Variants in ASB1 observed in about 807,000 individuals in gnomAD.
ASB1 encodes the protein ankyrin repeat and SOCS box containing 1, also known as ankyrin repeat and SOCS box protein 1.
Under a neutral mutation model 27.7 loss-of-function variants are expected in ASB1, and 18 were observed. The ratio of observed to expected loss-of-function variants is 0.65; its 90% CI spans 0.45 to 0.96. The LOEUF is 0.96. ASB1 is among the 50% of genes least tolerant of loss of function. The pLI is 0.00. For missense variants in ASB1, 397 were observed against 451.7 expected, an observed-to-expected ratio of 0.88 and a Z score of 1.10; for synonymous variants, 189 against 187.6, an observed-to-expected ratio of 1.01 and a Z score of -0.06.
intron 3 of ASB1, among the ~76,000 whole-genome samples, chr2:238,441,190 A>G (rs561279985): frequency 1.3e-5 from 2 of 151,602 alleles, no homozygotes; most frequent in East Asian, 3.9e-4. Flanking sequence ...AGGCTAGAGA[A>G]GTGGCATGAT....
rs1702254381 is a variant in ASB1, at chr2:238,450,100, C to G, written c.*3589C>G. ...TCTCCATGTGTGTGTAAACTGCTGT[C>G]CTGGTGACTTGTCCCTCTTCTTAGT... On this transcript the variant is annotated 3_prime_UTR_variant, in exon 5 of 5. Coordinates refer to ENST00000264607, the MANE Select transcript of ASB1 (RefSeq NM_001040445.3). The G allele has an allele frequency of 6.6e-6, 1 of 152,280 alleles. No homozygotes were observed. The highest frequency in any genetic ancestry group is 1.5e-5 in the Non-Finnish European group (1 of 68,096). The allele number at this position is 152,280 out of a possible 1,614,324, so 9.4% of individuals were successfully genotyped here. A position where few individuals can be genotyped will look rare whatever the true frequency, so the allele number is the denominator to read the frequency against.
chr2:238,448,689 C>T lies in ASB1; in HGVS notation c.*2178C>T, dbSNP rs1051535030. 1.3e-5 allele frequency: 2 copies of T among 152,420 alleles called. No individual in the cohort carries two copies. The highest frequency in any genetic ancestry group is 2.4e-5 in the African/African-American group (1 of 41,468). 9.4% of individuals were successfully genotyped at this position (152,420 alleles called of 1,614,324 possible). A position where few individuals can be genotyped will look rare whatever the true frequency, so the allele number is the denominator to read the frequency against. ...TATTGAACCTTTTGGGAAGCAGCAC[C>T]TGGGAATGCTGCCTCGTGGGAGTCC... On this transcript the variant is annotated 3_prime_UTR_variant, in exon 5 of 5. Transcript: ENST00000264607.
At position 238,449,422 on chromosome 2, in the gene ASB1, T is replaced by C. The variant is rs1702240580; in HGVS notation, c.*2911T>C. Reference sequence around the variant, plus strand: ...GAAGGAGCCTGAAGGTTGCCCCTGGTTGCATCCCAGAAGCATCTGACTGTC... The same window carrying C: ...GAAGGAGCCTGAAGGTTGCCCCTGGCTGCATCCCAGAAGCATCTGACTGTC... On this transcript the variant is annotated 3_prime_UTR_variant, in exon 5 of 5. Coordinates refer to ENST00000264607, the MANE Select transcript of ASB1 (RefSeq NM_001040445.3). 1 of 152,656 alleles carries C rather than the reference T, an allele frequency of 6.6e-6. No individual in the cohort carries two copies. Among genetic ancestry groups the C allele is most frequent in the Non-Finnish European group, 1.5e-5 (1 of 68,474 alleles). 9.5% of individuals were successfully genotyped at this position (152,656 alleles called of 1,614,324 possible). A position where few individuals can be genotyped will look rare whatever the true frequency, so the allele number is the denominator to read the frequency against.
At chr2:238,444,218 A>G in intron 3 of ASB1, 124 bp from the exon 4 acceptor site, 2 of 1,039,046 alleles carry the variant, frequency 1.9e-6, no homozygotes, top group South Asian at 1.7e-5. Flanking sequence ...AGTCTCCTAC[A>G]GCGCCTGGTG....
chr2:238,446,242 C>A, intron 4 of ASB1, 142 bp from the exon 5 acceptor site: 1 of 929,282 alleles, frequency 1.1e-6, no homozygotes, highest in Non-Finnish European at 1.6e-6. Flanking sequence ...GAAAAGCCAT[C>A]ACTTTGTGTT....
intron 1 of ASB1, among the ~76,000 whole-genome samples, chr2:238,431,377 A>T (rs569924043): frequency 6.6e-6 from 1 of 152,342 alleles, no homozygotes; most frequent in Admixed American, 6.5e-5. Flanking sequence ...CTTGCTCTGG[A>T]TTAGGCTTTG....
In ASB1 at chr2:238,451,956, G is replaced by T. The variant is rs1702294672; in HGVS notation, c.*5445G>T. The stretch of plus-strand genomic sequence containing the variant: ...GGGGCTCCAGGGACGTACCCCAAAT[G>T]TTGCCCAGGTTGAAACTCCCTGACA... On this transcript the variant is annotated 3_prime_UTR_variant, in exon 5 of 5. Coordinates refer to ENST00000264607, the MANE Select transcript of ASB1 (RefSeq NM_001040445.3). The T allele has an allele frequency of 6.6e-6, 1 of 152,268 alleles. No homozygotes were observed. The highest frequency in any genetic ancestry group is 1.5e-5 in the Non-Finnish European group (1 of 68,048). 9.4% of individuals were successfully genotyped at this position (152,268 alleles called of 1,614,324 possible). A position where few individuals can be genotyped will look rare whatever the true frequency, so the allele number is the denominator to read the frequency against.
intron 4 of ASB1, among the ~76,000 whole-genome samples, chr2:238,445,171 G>A (rs1209294556): frequency 6.6e-6 from 1 of 151,730 alleles, no homozygotes; most frequent in Non-Finnish European, 1.5e-5. Flanking sequence ...TAGAGATGAG[G>A]TTTTGCTGTG....
chr2:238,439,721 A>T (rs761341073), intron 3 of ASB1, among the ~76,000 whole-genome samples: 13 of 152,170 alleles, frequency 8.5e-5, no homozygotes, highest in Non-Finnish European at 1.6e-4. Context: ...AGGAATCGCA[A>T]AGGGAGGTTG....
intron 3 of ASB1, 97 bp downstream of exon 3, chr2:238,436,110 G>T: frequency 8.1e-7 from 1 of 1,238,862 alleles, no homozygotes; most frequent in South Asian, 1.6e-5. Flanking sequence ...CTCTTTAGAT[G>T]ACTCGCCTGT....
In ASB1 at chr2:238,433,830, A is replaced by G. The variant is rs142518861; in HGVS notation, c.191+135A>G. ...TGTTCCAGTTTTAGAGGACGGGGAT[A>G]AAGGAGACTGAGGCAGCATGGTCAG... On this transcript the variant is annotated intron_variant, in intron 2 of 4. Coordinates refer to ENST00000264607, the MANE Select transcript of ASB1 (RefSeq NM_001040445.3). The G allele has an allele frequency of 4.2e-5, 45 of 1,059,526 alleles. No homozygotes were observed. In the African/African-American group the frequency reaches 5.5e-4, roughly 13 times the overall value. The allele number at this position is 1,059,526 out of a possible 1,614,324, so 65.6% of individuals were successfully genotyped here. A position where few individuals can be genotyped will look rare whatever the true frequency, so the allele number is the denominator to read the frequency against.
chr2:238,448,331 T>A lies in ASB1; in HGVS notation c.*1820T>A, dbSNP rs997310039. On this transcript the variant is annotated 3_prime_UTR_variant, in exon 5 of 5. Transcript: ENST00000264607. ...GGAGCTATAGGGAGTTAAGGAATGA[T>A]GATACGGAAGTTGGAGCCACCACCG... 1 of 152,430 alleles carries A rather than the reference T, an allele frequency of 6.6e-6. No homozygotes were observed. The highest frequency in any genetic ancestry group is 1.5e-5 in the Non-Finnish European group (1 of 68,262). 9.4% of individuals were successfully genotyped at this position (152,430 alleles called of 1,614,324 possible). A position where few individuals can be genotyped will look rare whatever the true frequency, so the allele number is the denominator to read the frequency against.
chr2:238,429,030 C>T (rs920418898), intron 1 of ASB1, among the ~76,000 whole-genome samples: 4 of 152,106 alleles, frequency 2.6e-5, no homozygotes, highest in African/African-American at 9.7e-5. Context: ...CTGTTCATGC[C>T]GGCTTGTTGA....
rs1701914420 is a variant in ASB1 at position 238,433,711 on chromosome 2, C to T, written c.191+16C>T. ...GCTACCGGAGGTGAGCGGCGCTGCC[C>T]AGGGCTGGTCCGGGTACTAGGGCCC... On this transcript the variant is annotated intron_variant, in intron 2 of 4. Coordinates refer to ENST00000264607, the MANE Select transcript of ASB1 (RefSeq NM_001040445.3). 2 of 1,613,178 alleles carry T rather than the reference C, an allele frequency of 1.2e-6. No homozygotes were observed. The highest frequency in any genetic ancestry group is 2.2e-5 in the East Asian group (1 of 44,872).
In ASB1 at chr2:238,446,731, A is replaced by T. The variant is rs2106411572; in HGVS notation, c.*220A>T. 1 of 542,000 alleles carries T rather than the reference A, an allele frequency of 1.8e-6. No homozygotes were observed. Among genetic ancestry groups the T allele is most frequent in the African/African-American group, 1.9e-5 (1 of 51,980 alleles). The allele number at this position is 542,000 out of a possible 1,614,324, so 33.6% of individuals were successfully genotyped here. A position where few individuals can be genotyped will look rare whatever the true frequency, so the allele number is the denominator to read the frequency against. ...TACTAAAGTTATTATTGTTTTTCCC[A>T]AGTTCTCTGTTCTGGATTTTCAGTT... On this transcript the variant is annotated 3_prime_UTR_variant, in exon 5 of 5. Coordinates refer to ENST00000264607, the MANE Select transcript of ASB1 (RefSeq NM_001040445.3).
chr2:238,445,388 G>A (rs1246870137), intron 4 of ASB1, among the ~76,000 whole-genome samples: 2 of 152,192 alleles, frequency 1.3e-5, no homozygotes, highest in African/African-American at 2.4e-5. Context: ...CAAATTGCAA[G>A]CGGGGCTTTC....
At chr2:238,429,304 T>G (rs920542472) in intron 1 of ASB1, among the ~76,000 whole-genome samples, 8 of 152,238 alleles carry the variant, frequency 5.3e-5, no homozygotes, top group Non-Finnish European at 1.0e-4. Flanking sequence ...CCAAGTGGTC[T>G]GAGTTTTTGC....
chr2:238,441,874 A>G (rs1170975001), intron 3 of ASB1, among the ~76,000 whole-genome samples: 1 of 152,236 alleles, frequency 6.6e-6, no homozygotes, highest in South Asian at 2.1e-4. Context: ...GGGTAAATGC[A>G]TATGTAATTT....
intron 1 of ASB1, 109 bp downstream of exon 1, chr2:238,427,228 C>A: frequency 4.6e-6 from 4 of 875,866 alleles, no homozygotes; most frequent in Non-Finnish European, 6.0e-6. Context: ...GCCGGGTCCA[C>A]GGGGCAGCCA....
Sources: allele counts gnomAD v4.1 joint callset (sites outside exome capture counted in the v4.1 genomes callset), GRCh38; gene constraint gnomAD v4.1.1; transcripts MANE v1.5; gene names NCBI Gene and HGNC (gene_info 2026-07-23, HGNC 2026-07-21).